MTREX: variants seen among roughly 807,000 people sequenced by gnomAD.
MTREX encodes exosome RNA helicase MTR4.
Under a neutral mutation model 135.4 loss-of-function variants are expected in MTREX, and 76 were observed. The observed-to-expected ratio is 0.56, with a 90% CI of 0.47 to 0.68. The LOEUF is 0.68. Among genes scored for constraint, MTREX ranks in the 30% least tolerant of loss-of-function variants. The pLI is 0.00. For missense variants in MTREX, 920 were observed against 1,262.1 expected, an observed-to-expected ratio of 0.73 and a Z score of 4.11; for synonymous variants, 404 against 401.6, an observed-to-expected ratio of 1.01 and a Z score of -0.07.
At chr5:55,354,596 C>T (rs1166373329) in intron 14 of MTREX, among the ~76,000 whole-genome samples, 2 of 152,196 alleles carry the variant, frequency 1.3e-5, no homozygotes, top group Non-Finnish European at 2.9e-5. Flanking sequence ...GTTGGATGCT[C>T]TACAAAAGAG....
intron 7 of MTREX, among the ~76,000 whole-genome samples, chr5:55,342,853 G>A (rs186824706): frequency 1.5e-4 from 23 of 152,166 alleles, no homozygotes; most frequent in Non-Finnish European, 3.2e-4. Context: ...AACTTTTTCC[G>A]TTTTAATAAA....
Position 55,424,795 on chromosome 5 carries a change from T to A in MTREX, c.*23T>A, listed in dbSNP as rs1187114107. The A allele has an allele frequency of 1.3e-6, 2 of 1,562,516 alleles. No individual in the cohort carries two copies. The highest frequency in any genetic ancestry group is 3.3e-5 in the Admixed American group (2 of 59,854). ...TAGAGTCAGCTAAAGGAATGTGAGATTTTAAATTATTGACCACCTGTTTGA... is the reference window on the plus strand; with the variant it reads ...TAGAGTCAGCTAAAGGAATGTGAGAATTTAAATTATTGACCACCTGTTTGA... On this transcript the variant is annotated 3_prime_UTR_variant, in exon 27 of 27. Transcript: ENST00000230640.
Position 55,328,789 on chromosome 5 carries a change from G to A in MTREX, c.493G>A (p.Ala165Thr). 1 of 1,609,394 alleles carries A rather than the reference G, an allele frequency of 6.2e-7. No homozygotes were observed. The change falls in exon 5 of 27, where the codon GCG becomes ACG. Residue 165 changes from alanine (A) to threonine (T), a missense_variant. By Grantham distance (58) the Ala-to-Thr change is moderately conservative. Around this residue, in one of 6 missense-constraint regions of MTREX, gnomAD observed 82 missense variants for 107.4 expected, o/e 0.76. Transcript: ENST00000230640. ...QSVLVSAHTS[A>T]GKTVCAEYAI... ...TGTTCTAGTATCTGCACATACCTCA[G>A]CGGGAAAAACAGTATGCGCCGAGTG... is the stretch of plus-strand genomic sequence containing the variant.
At chr5:55,371,534 A>G (rs1015346297) in intron 16 of MTREX, among the ~76,000 whole-genome samples, 12 of 152,180 alleles carry the variant, frequency 7.9e-5, no homozygotes, top group East Asian at 1.9e-4. Context: ...TCCTATGGCA[A>G]TGACCCATGA....
intron 25 of MTREX, among the ~76,000 whole-genome samples, chr5:55,421,652 G>T (rs1282020022): frequency 6.6e-6 from 1 of 152,144 alleles, no homozygotes; most frequent in Non-Finnish European, 1.5e-5. Context: ...ATATCACATT[G>T]TGTTTCTTGG....
intron 18 of MTREX, 138 bp downstream of exon 18, chr5:55,379,333 T>C: frequency 1.8e-6 from 1 of 552,982 alleles, no homozygotes; most frequent in Non-Finnish European, 3.2e-6. Flanking sequence ...GAATTAATTT[T>C]TGGAATACAC....
intron 19 of MTREX, 112 bp downstream of exon 19, chr5:55,388,214 G>A (rs1392464539): frequency 2.1e-6 from 2 of 948,266 alleles, no homozygotes; most frequent in African/African-American, 3.3e-5. Context: ...TTCTAAATTA[G>A]AAGTTTTCAA....
At chr5:55,398,244 A>G (rs1579893209) in intron 20 of MTREX, among the ~76,000 whole-genome samples, 1 of 146,626 alleles carries the variant, frequency 6.8e-6, no homozygotes, top group East Asian at 2.0e-4. Flanking sequence ...TGTCTCTTTT[A>G]AGAAAAAAAA....
At chr5:55,373,161 A>T (rs1750234753) in intron 16 of MTREX, among the ~76,000 whole-genome samples, 1 of 141,992 alleles carries the variant, frequency 7.0e-6, no homozygotes, top group African/African-American at 2.6e-5. Context: ...TGTTCATAAT[A>T]AATTTTTTTT....
intron 22 of MTREX, among the ~76,000 whole-genome samples, chr5:55,409,075 CTGA>C (rs1332139607): frequency 6.6e-6 from 1 of 152,058 alleles, no homozygotes; most frequent in African/African-American, 2.4e-5. Flanking sequence ...CCTCAGCCTC[CTGA>C]GTAGCTGGGA....
Position 55,424,878 on chromosome 5 carries a change from A to G in MTREX, c.*106A>G, listed in dbSNP as rs192889409. Reference sequence around the variant, plus strand: ...ATTTGGTTCTCCCATACATTTTAATATGTATTATATTTAAATCAAACATCA... The same window carrying G: ...ATTTGGTTCTCCCATACATTTTAATGTGTATTATATTTAAATCAAACATCA... On this transcript the variant is annotated 3_prime_UTR_variant, in exon 27 of 27. Coordinates refer to ENST00000230640, the MANE Select transcript of MTREX (RefSeq NM_015360.5). 1.2e-5 allele frequency: 9 copies of G among 750,844 alleles called. No individual in the cohort carries two copies. Among genetic ancestry groups the G allele is most frequent in the Admixed American group, 7.3e-5 (3 of 41,074 alleles). The allele number at this position is 750,844 out of a possible 1,614,324, so 46.5% of individuals were successfully genotyped here. A position where few individuals can be genotyped will look rare whatever the true frequency, so the allele number is the denominator to read the frequency against.
At chr5:55,349,306 C>T (rs1264596722) in intron 11 of MTREX, among the ~76,000 whole-genome samples, 2 of 151,750 alleles carry the variant, frequency 1.3e-5, no homozygotes, top group Non-Finnish European at 2.9e-5. Context: ...CCTGTCTCAG[C>T]CTCCCAGGTA....
At chr5:55,424,629 AG>A in intron 26 of MTREX, 90 bp from the exon 27 acceptor site, 1 of 816,592 alleles carries the variant, frequency 1.2e-6, no homozygotes, top group Non-Finnish European at 2.1e-6. Context: ...CAGTTGAATC[AG>A]GGTTGGTATA....
chr5:55,313,876 G>C (rs745330759), intron 1 of MTREX, among the ~76,000 whole-genome samples: 1 of 151,994 alleles, frequency 6.6e-6, no homozygotes, highest in African/African-American at 2.4e-5. Flanking sequence ...GTGTCTATCA[G>C]ATGTCTCCAT....
At chr5:55,362,848 T>C (rs1750039768) in intron 15 of MTREX, among the ~76,000 whole-genome samples, 1 of 152,204 alleles carries the variant, frequency 6.6e-6, no homozygotes, top group Non-Finnish European at 1.5e-5. Context: ...ATTTTTCCAG[T>C]ATAACTAGAA....
intron 15 of MTREX, among the ~76,000 whole-genome samples, chr5:55,359,732 A>T (rs570224702): frequency 2.0e-5 from 3 of 152,330 alleles, no homozygotes; most frequent in African/African-American, 7.2e-5. Context: ...GATATAGCAC[A>T]TGCTATTTTT....
Position 55,423,719 on chromosome 5 carries a change from TGGAGTGGTGGTGGG to T in MTREX, c.3076+740_3076+753del, listed in dbSNP as rs1751094263. 5 of 152,316 alleles carry T rather than the reference TGGAGTGGTGGTGGG, an allele frequency of 3.3e-5. No individual in the cohort carries two copies. In the South Asian group the frequency reaches 1.0e-3, roughly 32 times the overall value. 9.4% of individuals were successfully genotyped at this position (152,316 alleles called of 1,614,324 possible). A position where few individuals can be genotyped will look rare whatever the true frequency, so the allele number is the denominator to read the frequency against. On this transcript the variant is annotated intron_variant, in intron 26 of 26. Coordinates refer to ENST00000230640, the MANE Select transcript of MTREX (RefSeq NM_015360.5). Reference sequence around the variant, plus strand: ...GATGGCTAAACCAAGGTGGTAGTAATGGAGTGGTGGTGGGGGGGCAAGGGGCATAAGCTTCAGTC... The same window carrying T: ...GATGGCTAAACCAAGGTGGTAGTAATGGGGCAAGGGGCATAAGCTTCAGTC...
intron 19 of MTREX, among the ~76,000 whole-genome samples, chr5:55,389,447 T>C (rs1191620944): frequency 6.6e-6 from 1 of 152,186 alleles, no homozygotes; most frequent in Non-Finnish European, 1.5e-5. Flanking sequence ...TCCTGTAGCA[T>C]TTTTTGTTAT....
At chr5:55,365,113 T>C (rs1440112437) in intron 15 of MTREX, among the ~76,000 whole-genome samples, 2 of 152,152 alleles carry the variant, frequency 1.3e-5, no homozygotes, top group African/African-American at 4.8e-5. Context: ...GTTGGGAATA[T>C]AGAAGCGGAG....
Sources: allele counts gnomAD v4.1 joint callset (sites outside exome capture counted in the v4.1 genomes callset), GRCh38; gene constraint gnomAD v4.1.1; regional missense constraint gnomAD v4.1.1; transcripts MANE v1.5; gene names NCBI Gene and HGNC (gene_info 2026-07-23, HGNC 2026-07-21).